XDH: variants seen among roughly 807,000 people sequenced by gnomAD.
XDH encodes xanthine dehydrogenase, also known as xanthine dehydrogenase/oxidase.
XDH carries 138 observed loss-of-function variants against 156.1 expected under a neutral mutation model. The ratio of observed to expected loss-of-function variants is 0.88; its 90% confidence interval spans 0.77 to 1.02. The LOEUF is 1.02. Among genes scored for constraint, XDH ranks in the 50% least tolerant of loss-of-function variants. The pLI is 0.00. For missense variants in XDH, 1,849 were observed against 1,684.9 expected (o/e 1.10, Z -1.71); for synonymous variants, 669 against 625.7 (o/e 1.07, Z -1.03).
chr2:31,412,488 G>A (rs983133884), intron 1 of XDH, among the ~76,000 whole-genome samples: 5 of 152,218 alleles, frequency 3.3e-5, no homozygotes, highest in Admixed American at 3.3e-4. Flanking sequence ...GTCGTGGGGT[G>A]GGGGGAGAGG....
intron 6 of XDH, among the ~76,000 whole-genome samples, chr2:31,397,074 C>T (rs952062799): frequency 6.6e-6 from 1 of 152,156 alleles, no homozygotes; most frequent in Non-Finnish European, 1.5e-5. Context: ...AAAGGAGATG[C>T]CAGCTCTCTG....
chr2:31,382,903 T>C, intron 11 of XDH, 98 bp downstream of exon 11: 1 of 1,573,200 alleles, frequency 6.4e-7, no homozygotes, highest in Non-Finnish European at 8.7e-7. Flanking sequence ...GCGCTAAAGT[T>C]TGAGGCCCAC....
chr2:31,410,102 T>C (rs1166000494), intron 1 of XDH, among the ~76,000 whole-genome samples: 1 of 152,198 alleles, frequency 6.6e-6, no homozygotes, highest in Non-Finnish European at 1.5e-5. Context: ...TAGGTGAACA[T>C]TATGCTAAAT....
intron 1 of XDH, among the ~76,000 whole-genome samples, chr2:31,409,541 G>C (rs1208851070): frequency 6.6e-6 from 1 of 152,050 alleles, no homozygotes; most frequent in Admixed American, 6.6e-5. Context: ...GTGTAATACA[G>C]AACTCCTAAA....
At chr2:31,390,764 T>C (rs1686739931) in intron 6 of XDH, among the ~76,000 whole-genome samples, 1 of 152,206 alleles carries the variant, frequency 6.6e-6, no homozygotes, top group Non-Finnish European at 1.5e-5. Context: ...TGGCATATGA[T>C]GTCGAACTTA....
rs1687180294 is a variant in XDH at position 31,405,923 on chromosome 2, G to A, written c.84C>T (p.Ala28=). ...TCAGGATACACTTTCTTCTCAGGTAGGCCAAAAGGGTTGTCTCTGGATCTG... is the reference window on the plus strand; with the variant it reads ...TCAGGATACACTTTCTTCTCAGGTAAGCCAAAAGGGTTGTCTCTGGATCTG... ...KNADPETTLL[A]YLRRKLGLSG... is the part of the protein sequence containing the mutation. The change falls in exon 2 of 36, where the codon GCC becomes GCT. Residue 28 remains alanine, a synonymous_variant. Coordinates refer to ENST00000379416, the MANE Select transcript of XDH (RefSeq NM_000379.4). 6 of 1,614,070 alleles carry A rather than the reference G, an allele frequency of 3.7e-6. No individual in the cohort carries two copies. The East Asian group carries it at 1.3e-4, about 36-fold the overall frequency.
At chr2:31,348,862 T>A in intron 27 of XDH, 37 bp downstream of exon 27, 1 of 1,580,388 alleles carries the variant, frequency 6.3e-7, no homozygotes, top group Non-Finnish European at 8.7e-7. Flanking sequence ...GGGGTCCCAG[T>A]CCAGCGGAGA....
chr2:31,372,915 T>G (rs1686117437), intron 16 of XDH, among the ~76,000 whole-genome samples: 1 of 152,162 alleles, frequency 6.6e-6, no homozygotes, highest in African/African-American at 2.4e-5. Flanking sequence ...GAATTTTTGG[T>G]GATTTTTATT....
At chr2:31,344,830 G>T in intron 30 of XDH, 94 bp from the exon 31 acceptor site, 1 of 1,334,926 alleles carries the variant, frequency 7.5e-7, no homozygotes, top group Non-Finnish European at 1.1e-6. Flanking sequence ...TCCTCTGGAA[G>T]CCAATCAACT....
chr2:31,381,144 C>T (rs1250786907), intron 12 of XDH, among the ~76,000 whole-genome samples: 5 of 152,046 alleles, frequency 3.3e-5, no homozygotes, highest in Admixed American at 6.5e-5. Flanking sequence ...TAAAGGCACA[C>T]ACCACCACAC....
chr2:31,386,855 C>G (rs1165492699), intron 8 of XDH, among the ~76,000 whole-genome samples: 1 of 6,346 alleles, frequency 1.6e-4, no homozygotes, highest in African/African-American at 7.3e-4. Flanking sequence ...CCCAACAGAC[C>G]TGGCTGAAAG....
At chr2:31,381,853 G>A in intron 11 of XDH, 127 bp from the exon 12 acceptor site, 1 of 815,956 alleles carries the variant, frequency 1.2e-6, no homozygotes, top group African/African-American at 1.7e-5. Flanking sequence ...TGTGCCTACT[G>A]TAGTCACAAT....
intron 34 of XDH, 39 bp from the exon 35 acceptor site, chr2:31,337,856 G>A: frequency 1.9e-6 from 3 of 1,605,098 alleles, no homozygotes; most frequent in Non-Finnish European, 2.6e-6. Context: ...GCTCAGGCAG[G>A]TGGTCCTGCC....
intron 23 of XDH, among the ~76,000 whole-genome samples, chr2:31,364,575 G>C (rs1685860161): frequency 6.6e-6 from 1 of 152,060 alleles, no homozygotes; most frequent in African/African-American, 2.4e-5. Context: ...ATAGGGCGGG[G>C]GGGAAGCGCA....
chr2:31,393,301 T>C (rs1686815626), intron 6 of XDH, among the ~76,000 whole-genome samples: 1 of 152,246 alleles, frequency 6.6e-6, no homozygotes, highest in East Asian at 1.9e-4. Flanking sequence ...CTCATGTATT[T>C]TGAAGCTCTG....
At chr2:31,388,652 T>A (rs1050056989) in intron 6 of XDH, among the ~76,000 whole-genome samples, 1 of 152,174 alleles carries the variant, frequency 6.6e-6, no homozygotes, top group African/African-American at 2.4e-5. Context: ...ATATTCCCAT[T>A]GGCTCTCTCA....
rs776834159 is a variant in XDH at position 31,398,631 on chromosome 2, G to GTA, written c.373_374dup (p.Leu127HisfsTer56). 5.6e-6 allele frequency: 9 copies of GTA among 1,614,156 alleles called. No homozygotes were observed. Among genetic ancestry groups the GTA allele is most frequent in the Non-Finnish European group, 7.6e-6 (9 of 1,180,000 alleles). ...GCTCGGGCTGATTCCGGAGCAGTGT[G>GTA]TACATACTCATGACGATGCCAGGGG... On this transcript the variant is annotated frameshift_variant, in exon 5 of 36. Coordinates refer to ENST00000379416, the MANE Select transcript of XDH (RefSeq NM_000379.4). LOFTEE classifies it high-confidence loss of function.
chr2:31,381,534 C>G (rs902241823), intron 12 of XDH, 99 bp downstream of exon 12: 10 of 1,201,504 alleles, frequency 8.3e-6, no homozygotes, highest in Non-Finnish European at 1.2e-5. Flanking sequence ...AAAGCTGGGT[C>G]ACTGAACTTT....
In XDH at chr2:31,380,486, T is replaced by C. The variant is rs182818670; in HGVS notation, c.1133-510A>G. Among the ~76,000 whole-genome samples, 41 of 152,334 alleles carry C rather than the reference T, an allele frequency of 2.7e-4. 1 individual carries two copies. The East Asian group carries it at 6.9e-3, about 26-fold the overall frequency. ...GCTTTCCTTCTGGGAGTCCAGACTT[T>C]AGGCACATGCTAGTAGAGGCTGCCT... On this transcript the variant is annotated intron_variant, in intron 12 of 35. Transcript: ENST00000379416.
Sources: allele counts gnomAD v4.1 joint callset (sites outside exome capture counted in the v4.1 genomes callset), GRCh38; gene constraint gnomAD v4.1.1; transcripts MANE v1.5; gene names NCBI Gene and HGNC (gene_info 2026-07-23, HGNC 2026-07-21).